The following ZNF701 variants were observed in gnomAD, a reference collection of about 807,000 sequenced individuals.
The protein encoded by ZNF701 is zinc finger protein 701.
In ZNF701, 6 loss-of-function variants were observed where a neutral mutation model predicts 7.1. That is an observed-to-expected ratio of 0.84 (90% confidence interval 0.46 to 1.66). ZNF701 has a LOEUF of 1.66. ZNF701 is among the 40% of genes most tolerant of loss of function. The probability of loss-of-function intolerance (pLI) is 0.01; values close to 1 mark genes in which losing one functional copy is unlikely to be tolerated. For synonymous variants in ZNF701, 166 were observed against 188.2 expected (o/e 0.88, Z 0.97); for missense variants, 541 against 559.2 (o/e 0.97, Z 0.33).
At chr19:52,581,585 G>A (rs532091532) in intron 3 of ZNF701, among the ~76,000 whole-genome samples, 3 of 152,190 alleles carry the variant, frequency 2.0e-5, no homozygotes, top group South Asian at 2.1e-4. Context: ...CGATGTTGGC[G>A]CACTGCAACC....
At chr19:52,597,135 G>T in the ZNF701 span, 1 of 786,774 alleles carries the variant, frequency 1.3e-6, no homozygotes, top group Non-Finnish European at 2.1e-6. Context: ...ATCATATCTT[G>T]CAGTTTATCA....
At chr19:52,578,798 C>T (rs1263041028) in intron 3 of ZNF701, among the ~76,000 whole-genome samples, 3 of 152,194 alleles carry the variant, frequency 2.0e-5, no homozygotes, top group Non-Finnish European at 4.4e-5. Context: ...TGCTCTGTCG[C>T]CCAGGCTGGA....
chr19:52,575,271 C>CT (rs2059926564), intron 2 of ZNF701, among the ~76,000 whole-genome samples: 1 of 152,040 alleles, frequency 6.6e-6, no homozygotes. Context: ...GCCTGGCCTA[C>CT]TTTTTGTATT....
At chr19:52,572,283 G>A (rs564959339) in intron 1 of ZNF701, 21 of 719,968 alleles carry the variant, frequency 2.9e-5, no homozygotes, top group South Asian at 7.3e-5. Context: ...TCGAACTCCC[G>A]ACATCAGGTG....
At chr19:52,592,757 A>G in the ZNF701 span, among the ~76,000 whole-genome samples, 1 of 150,782 alleles carries the variant, frequency 6.6e-6, no homozygotes, top group Non-Finnish European at 1.5e-5. Flanking sequence ...TACCTGGCTA[A>G]TTTTGTATTT....
rs1436647242 is a variant in ZNF701, at chr19:52,586,043, TTTTTG to T, written c.*2591_*2595del. On this transcript the variant is annotated 3_prime_UTR_variant, in exon 4 of 4. Coordinates refer to ENST00000391785, the MANE Select transcript of ZNF701 (RefSeq NM_018260.3). ...ACCCATGTGGTTTTTTTTGTTTTTG[TTTTTG>T]TTTTTTTGATGGAGATGGGGTCTTA... 2.0e-5 allele frequency: 3 copies of T among 152,216 alleles called. No individual in the cohort carries two copies. The highest frequency in any genetic ancestry group is 7.3e-5 in the African/African-American group (3 of 41,284). The allele number at this position is 152,216 out of a possible 1,614,324, so 9.4% of individuals were successfully genotyped here. A position where few individuals can be genotyped will look rare whatever the true frequency, so the allele number is the denominator to read the frequency against.
chr19:52,592,027 C>A (rs1427363835), downstream of ZNF701: 1 of 640,960 alleles, frequency 1.6e-6, no homozygotes, highest in Non-Finnish European at 2.8e-6. Flanking sequence ...TACTTATTTT[C>A]TCTTTTCTCA....
chr19:52,594,496 T>C, the ZNF701 span, among the ~76,000 whole-genome samples: 1 of 137,942 alleles, frequency 7.2e-6, no homozygotes, highest in African/African-American at 2.7e-5. Context: ...ACCTGGCCTT[T>C]TGTTCTGTTT....
At chr19:52,595,491 C>G in the ZNF701 span, 1 of 381,568 alleles carries the variant, frequency 2.6e-6, no homozygotes, top group South Asian at 3.4e-5. Flanking sequence ...AGGATGGTCT[C>G]GAGCTCCTGA....
At chr19:52,572,213 T>C (rs1224304773) in intron 1 of ZNF701, 5 of 336,080 alleles carry the variant, frequency 1.5e-5, no homozygotes, top group Non-Finnish European at 2.3e-5. Flanking sequence ...TGCCACAACA[T>C]CTAGATAATT....
intron 1 of ZNF701, chr19:52,572,743 T>C (rs2059909154): frequency 5.5e-6 from 2 of 364,214 alleles, no homozygotes; most frequent in South Asian, 4.3e-5. Context: ...GCCCAACTCC[T>C]CACTGTCACT....
Position 52,583,751 on chromosome 19 carries a change from T to TA in ZNF701, c.*295dup, listed in dbSNP as rs2059992126. The TA allele has an allele frequency of 1.6e-5, 11 of 689,802 alleles. No homozygotes were observed. Among genetic ancestry groups the TA allele is most frequent in the Non-Finnish European group, 2.4e-5 (9 of 378,124 alleles). The allele number at this position is 689,802 out of a possible 1,614,324, so 42.7% of individuals were successfully genotyped here. On this transcript the variant is annotated 3_prime_UTR_variant, in exon 4 of 4. Transcript: ENST00000391785. ...GAGCCTTTGGTGGTCAGTCAACACTTACTCACCATCAAGCAATCCATGGTA... is the reference window on the plus strand; with the variant it reads ...GAGCCTTTGGTGGTCAGTCAACACTTAACTCACCATCAAGCAATCCATGGTA...
At position 52,578,820 on chromosome 19, in the gene ZNF701, C is replaced by G. The variant is rs572520006; in HGVS notation, c.142+2799C>G. Among the ~76,000 whole-genome samples the G allele has an allele frequency of 1.9e-3, 288 of 152,228 alleles. 1 individual carries two copies. The highest frequency in any genetic ancestry group is 6.7e-3 in the African/African-American group (277 of 41,530). On this transcript the variant is annotated intron_variant, in intron 3 of 3. Transcript: ENST00000391785. ...TCGCCCAGGCTGGAGTGCAGTGGTG[C>G]GATCTCGGCTCACTGCAAGCTCCAC... is the stretch of plus-strand genomic sequence containing the variant.
chr19:52,579,163 C>T (rs952105394), intron 3 of ZNF701, among the ~76,000 whole-genome samples: 5 of 143,298 alleles, frequency 3.5e-5, no homozygotes, highest in Admixed American at 6.7e-5. Context: ...GAAATAATTC[C>T]GACAAAAATA....
intron 1 of ZNF701, among the ~76,000 whole-genome samples, chr19:52,571,854 G>A (rs1371443956): frequency 2.6e-5 from 4 of 151,352 alleles, no homozygotes; most frequent in East Asian, 1.9e-4. Context: ...ACGGAGTTTC[G>A]CTCTTGTTGC....
chr19:52,587,127 T>C lies in ZNF701; in HGVS notation c.*3670T>C, dbSNP rs777958668. 1.9e-4 allele frequency: 29 copies of C among 152,202 alleles called. No homozygotes were observed. The highest frequency in any genetic ancestry group is 2.9e-4 in the African/African-American group (12 of 41,442). The allele number at this position is 152,202 out of a possible 1,614,324, so 9.4% of individuals were successfully genotyped here. ...TGTACTTCTGGGTGCTTAGCTGAGG[T>C]TGACACCATGTATTTTAAATATGGA... is the stretch of plus-strand genomic sequence containing the variant. On this transcript the variant is annotated 3_prime_UTR_variant, in exon 4 of 4. Coordinates refer to ENST00000391785, the MANE Select transcript of ZNF701 (RefSeq NM_018260.3).
the ZNF701 span, chr19:52,596,002 A>T: frequency 7.6e-6 from 12 of 1,583,390 alleles, no homozygotes; most frequent in African/African-American, 1.3e-5. Context: ...CAGCTTCAAC[A>T]TCCCAAATAA....
the ZNF701 span, among the ~76,000 whole-genome samples, chr19:52,599,758 A>G: frequency 2.0e-5 from 3 of 152,084 alleles, no homozygotes; most frequent in Non-Finnish European, 4.4e-5. Context: ...GTACTTAATC[A>G]TATATTCTAA....
chr19:52,581,983 C>T (rs896958620), intron 3 of ZNF701, among the ~76,000 whole-genome samples: 6 of 152,202 alleles, frequency 3.9e-5, no homozygotes, highest in South Asian at 2.1e-4. Context: ...GTCAGTGTTT[C>T]GTCATGATAT....
Sources: gnomAD v4.1 joint callset for allele counts (sites outside exome capture counted in the v4.1 genomes callset) on GRCh38, gnomAD v4.1.1 for gene constraint, MANE v1.5 for transcripts, NCBI Gene and HGNC (gene_info 2026-07-23, HGNC 2026-07-21) for gene names.